The following ST3GAL1 variants were observed in gnomAD, a reference collection of about 807,000 sequenced individuals.
ST3GAL1 encodes CMP-N-acetylneuraminate-beta-galactosamide-alpha-2,3-sialyltransferase 1.
Under a neutral mutation model 34.1 loss-of-function variants are expected in ST3GAL1, and 16 were observed. That is an observed-to-expected ratio of 0.47 (90% CI 0.32 to 0.71). The LOEUF (loss-of-function observed/expected upper bound fraction) is 0.71, where lower values mean the gene tolerates loss of function less well. ST3GAL1 is among the 30% of genes least tolerant of loss of function. The probability of loss-of-function intolerance (pLI) is 0.04; values close to 1 mark genes in which losing one functional copy is unlikely to be tolerated. For synonymous variants in ST3GAL1, 191 were observed against 184.7 expected (o/e 1.03, Z -0.28); for missense variants, 353 against 447.4 (o/e 0.79, Z 1.90).
chr8:133,524,731 G>A (rs1331132081), intron 2 of ST3GAL1, among the ~76,000 whole-genome samples: 2 of 152,246 alleles, frequency 1.3e-5, no homozygotes, highest in East Asian at 3.8e-4. Flanking sequence ...GTCTGTGGCT[G>A]GACCAGATGT....
chr8:133,532,035 G>A (rs1021818622), intron 2 of ST3GAL1, among the ~76,000 whole-genome samples: 6 of 152,138 alleles, frequency 3.9e-5, no homozygotes, highest in Non-Finnish European at 7.3e-5. Context: ...CTGATTTCAC[G>A]AAAGACTGAA....
chr8:133,565,374 T>G (rs1819363384), intron 1 of ST3GAL1, among the ~76,000 whole-genome samples: 1 of 152,148 alleles, frequency 6.6e-6, no homozygotes. Context: ...TCCTGCCAAG[T>G]TGAGGAGGGG....
chr8:133,478,053 C>G (rs1816243827), intron 3 of ST3GAL1, among the ~76,000 whole-genome samples: 1 of 152,198 alleles, frequency 6.6e-6, no homozygotes, highest in African/African-American at 2.4e-5. Flanking sequence ...AGCTCTGCAG[C>G]TCAGTTGGCA....
chr8:133,504,692 C>T (rs1817282727), intron 2 of ST3GAL1, among the ~76,000 whole-genome samples: 2 of 152,042 alleles, frequency 1.3e-5, no homozygotes, highest in African/African-American at 4.8e-5. Flanking sequence ...ATAGGACCTT[C>T]TATGGTCGAG....
intron 2 of ST3GAL1, among the ~76,000 whole-genome samples, chr8:133,509,613 G>A (rs1817445722): frequency 6.6e-6 from 1 of 152,260 alleles, no homozygotes; most frequent in Non-Finnish European, 1.5e-5. Flanking sequence ...CATGCCAGTG[G>A]GAGATCACAG....
In ST3GAL1 at chr8:133,502,216, C is replaced by T. The variant is rs138744823; in HGVS notation, c.-428-3027G>A. Reference sequence around the variant, plus strand: ...ATTCAGTGCTTGCCTGTAGGCCAGACGCTGTCCTAACCCATTTAAATCATC... The same window carrying T: ...ATTCAGTGCTTGCCTGTAGGCCAGATGCTGTCCTAACCCATTTAAATCATC... On this transcript the variant is annotated intron_variant, in intron 2 of 9. Coordinates refer to ENST00000522652, the MANE Select transcript of ST3GAL1 (RefSeq NM_173344.3). Among the ~76,000 whole-genome samples, 475 of 152,164 alleles carry T rather than the reference C, an allele frequency of 3.1e-3. 5 individuals carry two copies. Among genetic ancestry groups the T allele is most frequent in the Middle Eastern group, 0.027 (8 of 294 alleles).
chr8:133,481,483 T>C (rs1407919093), intron 3 of ST3GAL1, among the ~76,000 whole-genome samples: 1 of 152,124 alleles, frequency 6.6e-6, no homozygotes, highest in East Asian at 1.9e-4. Flanking sequence ...TTTTTTGTTG[T>C]TGTCATTGTT....
intron 1 of ST3GAL1, among the ~76,000 whole-genome samples, chr8:133,566,718 G>A (rs1045431083): frequency 3.3e-5 from 5 of 152,114 alleles, no homozygotes; most frequent in African/African-American, 4.8e-5. Flanking sequence ...TAAAGTATAC[G>A]GATGAGCATT....
At chr8:133,559,204 T>C (rs1257565036) in intron 1 of ST3GAL1, among the ~76,000 whole-genome samples, 5 of 152,202 alleles carry the variant, frequency 3.3e-5, no homozygotes, top group African/African-American at 4.8e-5. Context: ...AGTTACCCTA[T>C]GGTGAAATCA....
At chr8:133,545,339 A>G (rs1818647916) in intron 2 of ST3GAL1, among the ~76,000 whole-genome samples, 1 of 152,248 alleles carries the variant, frequency 6.6e-6, no homozygotes, top group South Asian at 2.1e-4. Flanking sequence ...GTGGGGCGCC[A>G]GCAAAGCTTT....
intron 2 of ST3GAL1, among the ~76,000 whole-genome samples, chr8:133,524,594 C>G (rs543513642): frequency 1.6e-4 from 24 of 152,264 alleles, no homozygotes; most frequent in African/African-American, 5.5e-4. Context: ...GCAAGCCAGG[C>G]GTGAAGCAGC....
chr8:133,538,949 G>T (rs1002313702), intron 2 of ST3GAL1, among the ~76,000 whole-genome samples: 1 of 152,104 alleles, frequency 6.6e-6, no homozygotes. Flanking sequence ...CTGTGCCTGG[G>T]TTTCATCATC....
intron 2 of ST3GAL1, among the ~76,000 whole-genome samples, chr8:133,531,814 G>GAAAAAAAAAAAAA (rs55909710): frequency 3.0e-5 from 3 of 99,872 alleles, no homozygotes; most frequent in Non-Finnish European, 6.3e-5. Context: ...CTTAAAAACA[G>GAAAAAAAAAAAAA]AAAAAAAAAA....
rs1403179014 is a variant in ST3GAL1 at position 133,571,241 on chromosome 8, C to G, written c.-582+452G>C. On this transcript the variant is annotated intron_variant, in intron 1 of 9. Transcript: ENST00000522652. The surrounding 1 kb of genome is among the most constrained non-coding windows in gnomAD (Gnocchi z 6.7). The stretch of plus-strand genomic sequence containing the variant: ...AAATCCGCTCGAGAGCGCCTGAGCC[C>G]GGCCACCCAGCGAGGTCTCCTCCCA... Among the ~76,000 whole-genome samples the G allele has an allele frequency of 6.6e-6, 1 of 152,198 alleles. No homozygotes were observed. Among genetic ancestry groups the G allele is most frequent in the South Asian group, 2.1e-4 (1 of 4,830 alleles).
intron 3 of ST3GAL1, among the ~76,000 whole-genome samples, chr8:133,490,432 G>A (rs1816752014): frequency 6.6e-6 from 1 of 152,362 alleles, no homozygotes; most frequent in Non-Finnish European, 1.5e-5. Context: ...CTAGCCCAGG[G>A]CAGTTCACAC....
intron 3 of ST3GAL1, among the ~76,000 whole-genome samples, chr8:133,496,555 C>T (rs1816951144): frequency 6.6e-6 from 1 of 152,196 alleles, no homozygotes; most frequent in South Asian, 2.1e-4. Context: ...GATGACCACA[C>T]CTTTCTGTTC....
intron 5 of ST3GAL1, among the ~76,000 whole-genome samples, chr8:133,471,797 C>T (rs1243712989): frequency 1.3e-5 from 2 of 151,686 alleles, no homozygotes; most frequent in Admixed American, 6.6e-5. Context: ...TGCTAGGCGC[C>T]GGGTGGACAG....
intron 2 of ST3GAL1, among the ~76,000 whole-genome samples, chr8:133,509,292 A>G (rs768488795): frequency 1.3e-5 from 2 of 152,246 alleles, no homozygotes; most frequent in African/African-American, 2.4e-5. Context: ...CAGTACAGAT[A>G]TTGAATATTT....
chr8:133,464,439 A>C (rs2130921063), intron 7 of ST3GAL1, among the ~76,000 whole-genome samples: 2 of 152,230 alleles, frequency 1.3e-5, no homozygotes, highest in Non-Finnish European at 2.9e-5. Flanking sequence ...AGGTGTTGTT[A>C]TTTGTCAGGC....
Sources: gnomAD v4.1 joint callset for allele counts (sites outside exome capture counted in the v4.1 genomes callset) on GRCh38, gnomAD v4.1.1 for gene constraint, Gnocchi (gnomAD v3.1) non-coding constraint, MANE v1.5 for transcripts, NCBI Gene and HGNC (gene_info 2026-07-23, HGNC 2026-07-21) for gene names.